The following ZNF385D variants were observed in gnomAD, a reference collection of about 807,000 sequenced individuals.
ZNF385D encodes the protein zinc finger protein 385D.
In ZNF385D, 15 loss-of-function variants were observed where a neutral mutation model predicts 35.8. The ratio of observed to expected loss-of-function variants is 0.42; its 90% CI spans 0.28 to 0.64. The LOEUF is 0.64. Among genes scored for constraint, ZNF385D ranks in the 30% least tolerant of loss-of-function variants. ZNF385D has a pLI of 0.23. For synonymous variants in ZNF385D, 212 were observed against 186.8 expected, an observed-to-expected ratio of 1.13 and a Z score of -1.10; for missense variants, 474 against 494.6, an observed-to-expected ratio of 0.96 and a Z score of 0.39.
intron 3 of ZNF385D, among the ~76,000 whole-genome samples, chr3:21,955,496 A>C (rs541462053): frequency 6.6e-6 from 1 of 152,126 alleles, no homozygotes; most frequent in Non-Finnish European, 1.5e-5. Context: ...CTTCTGATGC[A>C]TCTTAAGAAA....
chr3:21,897,078 A>G (rs1407743333), intron 3 of ZNF385D, among the ~76,000 whole-genome samples: 1 of 152,178 alleles, frequency 6.6e-6, no homozygotes, highest in Non-Finnish European at 1.5e-5. Flanking sequence ...ACACATGAAT[A>G]CAGACCTATT....
chr3:21,560,783 G>T (rs536619795), intron 3 of ZNF385D, among the ~76,000 whole-genome samples: 1 of 152,282 alleles, frequency 6.6e-6, no homozygotes, highest in Admixed American at 6.5e-5. Flanking sequence ...CCAGGGAGTT[G>T]GGGGTATTAT....
intron 1 of ZNF385D, among the ~76,000 whole-genome samples, chr3:21,729,188 C>A (rs748773202): frequency 6.6e-6 from 1 of 151,986 alleles, no homozygotes; most frequent in African/African-American, 2.4e-5. Context: ...TTACTGATGG[C>A]AAAAATCAAA....
In ZNF385D at chr3:21,421,051, C is replaced by CA; in HGVS notation, c.*162dup. 6 of 309,990 alleles carry CA rather than the reference C, an allele frequency of 1.9e-5. No homozygotes were observed. The highest frequency in any genetic ancestry group is 4.0e-5 in the Admixed American group (1 of 24,728). The allele number at this position is 309,990 out of a possible 1,614,324, so 19.2% of individuals were successfully genotyped here. A position where few individuals can be genotyped will look rare whatever the true frequency, so the allele number is the denominator to read the frequency against. ...AATACCACTCCCTCCCTCCCACCCC[C>CA]AAACCTCCCCCACTTTTTTATAACC... On this transcript the variant is annotated 3_prime_UTR_variant, in exon 8 of 8. Coordinates refer to ENST00000281523, the MANE Select transcript of ZNF385D (RefSeq NM_024697.3).
In ZNF385D at chr3:21,420,973, G is replaced by T; in HGVS notation, c.*241C>A. 2.0e-6 allele frequency: 1 copy of T among 496,292 alleles called. No homozygotes were observed. The highest frequency in any genetic ancestry group is 2.4e-5 in the South Asian group (1 of 41,384). The allele number at this position is 496,292 out of a possible 1,614,324, so 30.7% of individuals were successfully genotyped here. ...TAGATACCACTACAAATCAATGCTG[G>T]AGATCACTTCTAAAACAATCAGCGT... is the stretch of plus-strand genomic sequence containing the variant. On this transcript the variant is annotated 3_prime_UTR_variant, in exon 8 of 8. Transcript: ENST00000281523.
chr3:21,992,236 A>G (rs537328637), intron 3 of ZNF385D, among the ~76,000 whole-genome samples: 1 of 152,278 alleles, frequency 6.6e-6, no homozygotes, highest in African/African-American at 2.4e-5. Flanking sequence ...ATCCAGTAGA[A>G]GTCAAAGATC....
intron 3 of ZNF385D, among the ~76,000 whole-genome samples, chr3:22,071,055 A>G (rs1444670432): frequency 6.6e-6 from 1 of 152,126 alleles, no homozygotes; most frequent in Non-Finnish European, 1.5e-5. Flanking sequence ...GATGCACTGA[A>G]CACTTTGAAA....
At chr3:22,187,766 G>T (rs1005369590) in intron 2 of ZNF385D, among the ~76,000 whole-genome samples, 1 of 152,076 alleles carries the variant, frequency 6.6e-6, no homozygotes, top group African/African-American at 2.4e-5. Flanking sequence ...GTGTAGAGTC[G>T]TATGTTTATT....
At chr3:21,895,720 T>G (rs1256914545) in intron 3 of ZNF385D, among the ~76,000 whole-genome samples, 1 of 151,166 alleles carries the variant, frequency 6.6e-6, no homozygotes, top group Non-Finnish European at 1.5e-5. Context: ...CCGGTTGGAG[T>G]GGGAAGTGAA....
intron 3 of ZNF385D, among the ~76,000 whole-genome samples, chr3:21,549,530 A>G (rs1241794622): frequency 1.3e-5 from 2 of 152,216 alleles, no homozygotes; most frequent in Non-Finnish European, 2.9e-5. Flanking sequence ...AAGCCCTTCA[A>G]AAAAGAGCTC....
intron 3 of ZNF385D, among the ~76,000 whole-genome samples, chr3:21,762,861 G>A (rs1391169230): frequency 6.6e-6 from 1 of 151,996 alleles, no homozygotes; most frequent in Non-Finnish European, 1.5e-5. Context: ...TTACAAGCTG[G>A]ATCATTCAAA....
chr3:21,728,542 A>C (rs555876074), intron 1 of ZNF385D, among the ~76,000 whole-genome samples: 4 of 152,316 alleles, frequency 2.6e-5, no homozygotes, highest in African/African-American at 9.6e-5. Context: ...ATTTGTGATG[A>C]TCAAATAAGC....
At chr3:21,811,269 T>A (rs2072909542) in intron 3 of ZNF385D, among the ~76,000 whole-genome samples, 1 of 152,054 alleles carries the variant, frequency 6.6e-6, no homozygotes, top group Admixed American at 6.6e-5. Flanking sequence ...TCGCTCAAAA[T>A]AGTGGTATTT....
At chr3:21,566,698 G>GGTATT (rs899140425) in intron 2 of ZNF385D, among the ~76,000 whole-genome samples, 1 of 151,942 alleles carries the variant, frequency 6.6e-6, no homozygotes, top group Non-Finnish European at 1.5e-5. Context: ...ATTTTATTTA[G>GGTATT]GTATTGTATA....
At chr3:21,704,807 T>C (rs535322082) in intron 1 of ZNF385D, among the ~76,000 whole-genome samples, 9 of 152,200 alleles carry the variant, frequency 5.9e-5, no homozygotes, top group African/African-American at 2.2e-4. Flanking sequence ...AATAAATATC[T>C]ATTACATGAA....
chr3:21,473,506 T>G (rs1270321447), intron 4 of ZNF385D, among the ~76,000 whole-genome samples: 10 of 152,014 alleles, frequency 6.6e-5, no homozygotes, highest in Admixed American at 6.6e-4. Flanking sequence ...TTGTAGGGTG[T>G]CTCCCTGATA....
intron 3 of ZNF385D, among the ~76,000 whole-genome samples, chr3:21,905,703 T>C (rs1338842617): frequency 6.6e-6 from 1 of 151,356 alleles, no homozygotes; most frequent in African/African-American, 2.4e-5. Context: ...TATATATATA[T>C]ATATATATTC....
intron 3 of ZNF385D, among the ~76,000 whole-genome samples, chr3:21,512,815 A>G (rs1193635425): frequency 6.6e-6 from 1 of 152,170 alleles, no homozygotes; most frequent in Non-Finnish European, 1.5e-5. Context: ...TTTTTAGTAT[A>G]TCAAGTCCTT....
chr3:21,471,461 C>A (rs1013053858), intron 4 of ZNF385D, among the ~76,000 whole-genome samples: 17 of 152,052 alleles, frequency 1.1e-4, no homozygotes, highest in African/African-American at 4.1e-4. Context: ...TACATAATCC[C>A]TAAAGCACCT....
Sources: gnomAD v4.1 joint callset for allele counts (sites outside exome capture counted in the v4.1 genomes callset) on GRCh38, gnomAD v4.1.1 for gene constraint, MANE v1.5 for transcripts, NCBI Gene and HGNC (gene_info 2026-07-23, HGNC 2026-07-21) for gene names.